The following DMBX1 variants were observed in gnomAD, a reference collection of about 807,000 sequenced individuals.
DMBX1 encodes diencephalon/mesencephalon homeobox protein 1.
A neutral mutation model predicts 30.4 loss-of-function variants in DMBX1; 7 were observed. The ratio of observed to expected loss-of-function variants is 0.23; its 90% CI spans 0.13 to 0.43. The LOEUF (loss-of-function observed/expected upper bound fraction) is 0.43, where lower values mean the gene tolerates loss of function less well. Among genes scored for constraint, DMBX1 ranks in the 20% least tolerant of loss-of-function variants. The probability of loss-of-function intolerance (pLI) is 1.00; values close to 1 mark genes in which losing one functional copy is unlikely to be tolerated. For missense variants in DMBX1, 460 were observed against 508.5 expected (o/e 0.90, Z 0.92); for synonymous variants, 222 against 214.2 (o/e 1.04, Z -0.32).
chr1:46,501,538 T>A (rs1666139377), intron 2 of DMBX1, among the ~76,000 whole-genome samples: 1 of 152,082 alleles, frequency 6.6e-6, no homozygotes, highest in Non-Finnish European at 1.5e-5. Flanking sequence ...AGTGCTGGGA[T>A]TACAAGCGTG....
At chr1:46,501,263 TTTC>T (rs1666130571) in intron 2 of DMBX1, among the ~76,000 whole-genome samples, 1 of 130,478 alleles carries the variant, frequency 7.7e-6, no homozygotes, top group African/African-American at 3.0e-5. Flanking sequence ...TCTTTCTTTC[TTTC>T]TTTCTCTTCT....
intron 2 of DMBX1, among the ~76,000 whole-genome samples, chr1:46,501,230 C>CTTTT (rs1351324772): frequency 1.7e-5 from 2 of 116,152 alleles, no homozygotes; most frequent in African/African-American, 7.2e-5. Context: ...TTCTTTCTTT[C>CTTTT]TTTCTTTCTT....
At chr1:46,507,684 G>A (rs1219593489) in intron 3 of DMBX1, among the ~76,000 whole-genome samples, 2 of 152,164 alleles carry the variant, frequency 1.3e-5, no homozygotes, top group African/African-American at 4.8e-5. Flanking sequence ...TATGGACAAG[G>A]AAACGGAGGC....
rs1049936534 is a variant in DMBX1, at chr1:46,507,259, C to T, written c.154+95C>T. 4 of 1,500,938 alleles carry T rather than the reference C, an allele frequency of 2.7e-6. No homozygotes were observed. In the African/African-American group the frequency reaches 4.1e-5, roughly 16 times the overall value. 93.0% of individuals were successfully genotyped at this position (1,500,938 alleles called of 1,614,324 possible). On this transcript the variant is annotated intron_variant, in intron 3 of 5. Coordinates refer to ENST00000360032, the MANE Select transcript of DMBX1 (RefSeq NM_172225.2). ...AAGAGGAGAGGGAGCACTGGCCAAG[C>T]TTGTTCTAGGGGGCTCAAAAAGACT...
intron 2 of DMBX1, among the ~76,000 whole-genome samples, chr1:46,503,861 A>T (rs1666180837): frequency 6.6e-6 from 1 of 152,186 alleles, no homozygotes; most frequent in Non-Finnish European, 1.5e-5. Context: ...GAGACTCCAG[A>T]TGCGGAGTCA....
chr1:46,510,490 G>A lies in DMBX1; in HGVS notation c.169G>A (p.Ala57Thr), dbSNP rs1666341888. 4 of 1,613,860 alleles carry A rather than the reference G, an allele frequency of 2.5e-6. No individual in the cohort carries two copies. Among genetic ancestry groups the A allele is most frequent in the Non-Finnish European group, 3.4e-6 (4 of 1,179,978 alleles). Residue 57 changes from alanine to threonine, a missense_variant, in exon 4 of 6, where the codon GCC (alanine) becomes ACC (threonine). This residue lies in a region of DMBX1 where 124 missense variants were observed against 144.0 expected (regional missense o/e 0.86). Coordinates refer to ENST00000360032, the MANE Select transcript of DMBX1 (RefSeq NM_172225.2). This position sits in a 1 kb window ranked among gnomAD's most constrained non-coding sequence, Gnocchi z 4.1. ...TACATTTCAAGACATCATCTTGGAG[G>A]CCCGTTATGGTTCCCAGCACCGCAA... The part of the protein sequence containing the change: ...AERLADIILE[A>T]RYGSQHRKQR...
At chr1:46,508,204 C>T (rs1331707216) in intron 3 of DMBX1, among the ~76,000 whole-genome samples, 1 of 152,064 alleles carries the variant, frequency 6.6e-6, no homozygotes, top group Non-Finnish European at 1.5e-5. Context: ...TCAGGGAACT[C>T]CTAGGGAGAA....
rs72679836 is a variant in DMBX1, at chr1:46,490,718, G to A, written c.-78G>A. On this transcript the variant is annotated 5_prime_UTR_variant, in exon 2 of 6. An upstream open reading frame in the 5' UTR loses its in-frame stop. Transcript: ENST00000360032. Reference sequence around the variant, plus strand: ...GCGATTCTGCACGAATTTTCCAGTTGAGGGTGGTTCGGCGCTCAGCCAGCC... The same window carrying A: ...GCGATTCTGCACGAATTTTCCAGTTAAGGGTGGTTCGGCGCTCAGCCAGCC... Among the ~76,000 whole-genome samples, 11 of 152,378 alleles carry A rather than the reference G, an allele frequency of 7.2e-5. No individual in the cohort carries two copies. The highest frequency in any genetic ancestry group is 1.5e-4 in the Non-Finnish European group (10 of 68,038).
At chr1:46,509,434 C>T (rs1278988214) in intron 3 of DMBX1, among the ~76,000 whole-genome samples, 1 of 152,080 alleles carries the variant, frequency 6.6e-6, no homozygotes, top group Non-Finnish European at 1.5e-5. Context: ...ACTCTGGCAC[C>T]CCTTTGCAGA....
chr1:46,511,403 A>G (rs920949477), intron 5 of DMBX1, 120 bp downstream of exon 5: 9 of 1,163,218 alleles, frequency 7.7e-6, no homozygotes, highest in Non-Finnish European at 1.0e-5. Context: ...AGGACTGACC[A>G]CAGCAGGCCT....
In DMBX1 at chr1:46,501,192, C is replaced by CCCTCCCTTCCTTCCTTCCTTCCTTCCTT. The variant is rs780907602; in HGVS notation, c.-12-5804_-12-5803insCCCTTCCTTCCTTCCTTCCTTCCTTCCT. Among the ~76,000 whole-genome samples, 89 of 67,814 alleles carry CCCTCCCTTCCTTCCTTCCTTCCTTCCTT rather than the reference C, an allele frequency of 1.3e-3. 6 individuals carry two copies. The highest frequency in any genetic ancestry group is 1.4e-3 in the Admixed American group (10 of 7,264). The allele number at this position is 67,814 out of a possible 152,430, so 44.5% of individuals were successfully genotyped here. On this transcript the variant is annotated intron_variant, in intron 2 of 5. Coordinates refer to ENST00000360032, the MANE Select transcript of DMBX1 (RefSeq NM_172225.2). Reference sequence around the variant, plus strand: ...TCTCTTTCTTTCTGTTTCTTTCTCTCCCTTCCTTCCTTCCTTCCTTCCTTT... The same window carrying CCCTCCCTTCCTTCCTTCCTTCCTTCCTT: ...TCTCTTTCTTTCTGTTTCTTTCTCTCCCTCCCTTCCTTCCTTCCTTCCTTCCTTCCTTCCTTCCTTCCTTCCTTCCTTT...
chr1:46,512,080 A>AG lies in DMBX1; in HGVS notation c.725dup (p.Gly243TrpfsTer110). On this transcript the variant is annotated frameshift_variant, in exon 6 of 6. Transcript: ENST00000360032. LOFTEE classifies it high-confidence loss of function. The surrounding 1 kb of genome is among the most constrained non-coding windows in gnomAD (Gnocchi z 4.8). ...GCCTGACCATCACTCCTGTGGCCCC[A>AG]GGGGGTGGCCTCCTGGGCCCCTCCC... The AG allele has an allele frequency of 6.2e-7, 1 of 1,613,220 alleles. No homozygotes were observed. The highest frequency in any genetic ancestry group is 8.5e-7 in the Non-Finnish European group (1 of 1,179,852).
In DMBX1 at chr1:46,512,044, T is replaced by C; in HGVS notation, c.684T>C (p.Asp228=). The change falls in exon 6 of 6, where the codon GAT becomes GAC. Residue 228 remains aspartate, a splice_region_variant and synonymous_variant. Coordinates refer to ENST00000360032, the MANE Select transcript of DMBX1 (RefSeq NM_172225.2). The surrounding 1 kb of genome is among the most constrained non-coding windows in gnomAD (Gnocchi z 4.8). ...TGTTCTTGGGTTCTCTGCTTGCAGA[T>C]TCCCCAGGCAGCCTGACCATCACTC... ...LGCKRGSPKA[D]SPGSLTITPV... 1 of 1,608,836 alleles carries C rather than the reference T, an allele frequency of 6.2e-7. No homozygotes were observed. The highest frequency in any genetic ancestry group is 8.5e-7 in the Non-Finnish European group (1 of 1,178,430).
intron 1 of DMBX1, among the ~76,000 whole-genome samples, 167 bp from the exon 2 acceptor site, chr1:46,490,477 G>A (rs1665908897): frequency 6.6e-6 from 1 of 152,170 alleles, no homozygotes; most frequent in African/African-American, 2.4e-5. Flanking sequence ...TGCGGCCTGG[G>A]GAGTTGCGGA....
At chr1:46,500,990 T>C (rs1666113686) in intron 2 of DMBX1, among the ~76,000 whole-genome samples, 1 of 152,182 alleles carries the variant, frequency 6.6e-6, no homozygotes, top group South Asian at 2.1e-4. Context: ...GACGATGTAC[T>C]CTCTAAAGGC....
rs193046012 is a variant in DMBX1, at chr1:46,491,754, C to G, written c.-13+971C>G. 2.0e-5 allele frequency among the ~76,000 whole-genome samples: 3 copies of G among 151,996 alleles called. No individual in the cohort carries two copies. Among genetic ancestry groups the G allele is most frequent in the Admixed American group, 6.5e-5 (1 of 15,276 alleles). On this transcript the variant is annotated intron_variant, in intron 2 of 5. Transcript: ENST00000360032. This position sits in a 1 kb window ranked among gnomAD's most constrained non-coding sequence, Gnocchi z 5.5. ...GTAGTGGGGGTTGTTTTCAATTTTT[C>G]GGGGATTTGTGTTTCACTTACCCAC...
In DMBX1 at chr1:46,510,460, G is replaced by A. The variant is rs1666340852; in HGVS notation, c.155-16G>A. On this transcript the variant is annotated splice_polypyrimidine_tract_variant and intron_variant, in intron 3 of 5. Transcript: ENST00000360032. This position sits in a 1 kb window ranked among gnomAD's most constrained non-coding sequence, Gnocchi z 4.1. ...GGGCCCCCTCTCCTTGCCCTCCAACGGCTGTACATTTCAAGACATCATCTT... is the reference window on the plus strand; with the variant it reads ...GGGCCCCCTCTCCTTGCCCTCCAACAGCTGTACATTTCAAGACATCATCTT... 2 of 1,612,302 alleles carry A rather than the reference G, an allele frequency of 1.2e-6. No individual in the cohort carries two copies. Among genetic ancestry groups the A allele is most frequent in the Non-Finnish European group, 1.7e-6 (2 of 1,179,430 alleles).
intron 2 of DMBX1, among the ~76,000 whole-genome samples, chr1:46,503,842 T>C (rs1666180571): frequency 6.6e-6 from 1 of 152,218 alleles, no homozygotes; most frequent in African/African-American, 2.4e-5. Context: ...AACACCTTTG[T>C]GTTTTGGGGA....
intron 2 of DMBX1, among the ~76,000 whole-genome samples, chr1:46,495,851 A>C (rs964972329): frequency 7.9e-5 from 12 of 152,198 alleles, no homozygotes; most frequent in Non-Finnish European, 1.5e-4. Flanking sequence ...AGTGGGAGGC[A>C]GCCACATAGT....
Sources: allele counts gnomAD v4.1 joint callset (sites outside exome capture counted in the v4.1 genomes callset), GRCh38; gene constraint gnomAD v4.1.1; regional missense constraint gnomAD v4.1.1; non-coding constraint Gnocchi (gnomAD v3.1); transcripts MANE v1.5; gene names NCBI Gene and HGNC (gene_info 2026-07-23, HGNC 2026-07-21).